ACBD3: variants seen among roughly 807,000 people sequenced by gnomAD.
ACBD3 encodes the protein acyl-CoA binding domain containing 3.
In ACBD3, 30 loss-of-function variants were observed where a neutral mutation model predicts 66.9. The ratio of observed to expected loss-of-function variants is 0.45; its 90% CI spans 0.34 to 0.61. The LOEUF is 0.61. Ranked by LOEUF, ACBD3 falls within the 20% of genes least tolerant of loss-of-function variation. The pLI is 0.02. For missense variants in ACBD3, 544 were observed against 664.5 expected (o/e 0.82, Z 1.99); for synonymous variants, 278 against 259.8 (o/e 1.07, Z -0.68).
rs780156523 is a variant in ACBD3, at chr1:226,161,511, A to T, written c.728+20T>A. 1 of 1,608,826 alleles carries T rather than the reference A, an allele frequency of 6.2e-7. No homozygotes were observed. The highest frequency in any genetic ancestry group is 8.5e-7 in the Non-Finnish European group (1 of 1,178,920). On this transcript the variant is annotated intron_variant, in intron 4 of 7. Coordinates refer to ENST00000366812, the MANE Select transcript of ACBD3 (RefSeq NM_022735.4). ...TTTTCCATTTCTCATTTTAAAACATAAGCCACATAATAAACTTACTTTTGC... is the reference window on the plus strand; with the variant it reads ...TTTTCCATTTCTCATTTTAAAACATTAGCCACATAATAAACTTACTTTTGC...
At chr1:226,173,761 T>C (rs1439003798) in intron 1 of ACBD3, among the ~76,000 whole-genome samples, 3 of 134,878 alleles carry the variant, frequency 2.2e-5, no homozygotes, top group Admixed American at 7.3e-5. Context: ...TCTTTTCTTT[T>C]TTTTTTTTTT....
intron 1 of ACBD3, among the ~76,000 whole-genome samples, chr1:226,186,014 G>C (rs1211742292): frequency 6.6e-6 from 1 of 152,210 alleles, no homozygotes; most frequent in African/African-American, 2.4e-5. Context: ...AATAGGAAAA[G>C]AAAAGCGTCA....
Position 226,152,230 on chromosome 1 carries a change from A to T in ACBD3, c.1375+105T>A, listed in dbSNP as rs989407470. On this transcript the variant is annotated intron_variant, in intron 7 of 7. Transcript: ENST00000366812. ...CTAATGAAGAAAGTGTTCCCTAACC[A>T]TGAAGTGTTAGTCAGGAAGCATAAG... The T allele has an allele frequency of 2.8e-6, 4 of 1,424,492 alleles. No individual in the cohort carries two copies. The African/African-American group carries it at 5.7e-5, about 20-fold the overall frequency. 88.2% of individuals were successfully genotyped at this position (1,424,492 alleles called of 1,614,324 possible). A position where few individuals can be genotyped will look rare whatever the true frequency, so the allele number is the denominator to read the frequency against.
intron 1 of ACBD3, among the ~76,000 whole-genome samples, chr1:226,169,467 T>C (rs1346308786): frequency 6.6e-6 from 1 of 151,564 alleles, no homozygotes; most frequent in Admixed American, 6.6e-5. Context: ...GCCAGGATGG[T>C]CTCGATCTCC....
intron 7 of ACBD3, among the ~76,000 whole-genome samples, chr1:226,151,143 C>T (rs1659565124): frequency 6.6e-6 from 1 of 152,162 alleles, no homozygotes; most frequent in African/African-American, 2.4e-5. Context: ...AACTTTCAGG[C>T]TTATTCCATG....
At chr1:226,174,250 C>T (rs933563530) in intron 1 of ACBD3, among the ~76,000 whole-genome samples, 2 of 152,158 alleles carry the variant, frequency 1.3e-5, no homozygotes, top group African/African-American at 4.8e-5. Context: ...CAAGCATCAT[C>T]CTCGGCTCTT....
chr1:226,181,903 T>C (rs972732706), intron 1 of ACBD3, among the ~76,000 whole-genome samples: 10 of 152,090 alleles, frequency 6.6e-5, no homozygotes, highest in Non-Finnish European at 1.2e-4. Flanking sequence ...CCCATGGAGA[T>C]AAGAAAACCT....
At chr1:226,169,054 G>A (rs1448368584) in intron 1 of ACBD3, among the ~76,000 whole-genome samples, 6 of 151,904 alleles carry the variant, frequency 3.9e-5, no homozygotes, top group African/African-American at 1.5e-4. Flanking sequence ...GCAGAGATGG[G>A]GTTTCACCAT....
Position 226,162,736 on chromosome 1 carries a change from A to G in ACBD3, c.570-1047T>C, listed in dbSNP as rs370668384. 6.6e-5 allele frequency among the ~76,000 whole-genome samples: 10 copies of G among 152,156 alleles called. No individual in the cohort carries two copies. The East Asian group carries it at 7.7e-4, about 12-fold the overall frequency. ...CTCACCTTTCTCCCCTCTAACTCCT[A>G]TAAGTGATTAACAACTACCTGAGCC... On this transcript the variant is annotated intron_variant, in intron 3 of 7. Coordinates refer to ENST00000366812, the MANE Select transcript of ACBD3 (RefSeq NM_022735.4).
chr1:226,169,552 C>A (rs1458963812), intron 1 of ACBD3, among the ~76,000 whole-genome samples: 3 of 130,096 alleles, frequency 2.3e-5, no homozygotes, highest in African/African-American at 2.9e-5. Flanking sequence ...CCTGGACTGC[C>A]TGGCTATTTT....
intron 1 of ACBD3, among the ~76,000 whole-genome samples, chr1:226,169,540 C>T (rs1437504647): frequency 3.6e-5 from 5 of 137,118 alleles, no homozygotes; most frequent in Admixed American, 7.5e-5. Flanking sequence ...TGAGCCACCG[C>T]GCCTGGACTG....
rs978546328 is a variant in ACBD3, at chr1:226,164,863, T to G, written c.495A>C (p.Leu165Phe). ...TTGAAAAGAGATGGCAACACCTATT[T>G]AAGAGCTTGACAAACTCCACCATGG... ...EDAMVEFVKL[L>F]NRCCHLFSTY... The change falls in exon 3 of 8, where the codon TTA (leucine) becomes TTC (phenylalanine). Residue 165 changes from leucine (L) to phenylalanine (F), a missense_variant. Physicochemically the swap from Leu to Phe is conservative, Grantham distance 22. Coordinates refer to ENST00000366812, the MANE Select transcript of ACBD3 (RefSeq NM_022735.4). 1.2e-6 allele frequency: 2 copies of G among 1,611,304 alleles called. No individual in the cohort carries two copies. Among genetic ancestry groups the G allele is most frequent in the Non-Finnish European group, 1.7e-6 (2 of 1,178,740 alleles).
chr1:226,175,298 A>G (rs945624772), intron 1 of ACBD3, among the ~76,000 whole-genome samples: 2 of 152,138 alleles, frequency 1.3e-5, no homozygotes, highest in Non-Finnish European at 2.9e-5. Context: ...TGCATTTCCA[A>G]AGTAATGGAA....
chr1:226,186,489 C>T lies in ACBD3; in HGVS notation c.187G>A (p.Ala63Thr). Residue 63 changes from alanine (A) to threonine (T), a missense_variant, in exon 1 of 8, where the codon GCG becomes ACG. By Grantham distance (58) the Ala-to-Thr change is moderately conservative. This residue lies in a region of ACBD3 where 137 missense variants were observed against 145.9 expected (regional missense o/e 0.94). Transcript: ENST00000366812. ...TCCTCCGCCGCGCCCCCAGCCGCCG[C>T]CTCCCCGGGCTCGGGCTGCTCCCCT... The part of the protein sequence containing the change: ...ASGEQPEPGE[A>T]AAGGAAEEAR... 6.7e-7 allele frequency: 1 copy of T among 1,487,670 alleles called. No homozygotes were observed. The highest frequency in any genetic ancestry group is 1.3e-5 in the South Asian group (1 of 78,260). The allele number at this position is 1,487,670 out of a possible 1,614,324, so 92.2% of individuals were successfully genotyped here.
intron 1 of ACBD3, among the ~76,000 whole-genome samples, chr1:226,179,407 T>C (rs1255130457): frequency 6.6e-6 from 1 of 152,162 alleles, no homozygotes; most frequent in Non-Finnish European, 1.5e-5. Context: ...GGTGTACTCC[T>C]TGGTGCAGAG....
At chr1:226,181,921 C>T (rs1223753981) in intron 1 of ACBD3, among the ~76,000 whole-genome samples, 2 of 152,162 alleles carry the variant, frequency 1.3e-5, no homozygotes, top group Non-Finnish European at 2.9e-5. Flanking sequence ...CCTAGCTTAA[C>T]ATTGTTAAAA....
At position 226,159,424 on chromosome 1, in the gene ACBD3, T is replaced by C. The variant is rs1659731142; in HGVS notation, c.729-66A>G. 2.0e-6 allele frequency: 3 copies of C among 1,486,546 alleles called. No individual in the cohort carries two copies. The African/African-American group carries it at 4.2e-5, about 21-fold the overall frequency. 92.1% of individuals were successfully genotyped at this position (1,486,546 alleles called of 1,614,324 possible). On this transcript the variant is annotated intron_variant, in intron 4 of 7. Transcript: ENST00000366812. ...AGATTGTTCATGACAAAATAAAATG[T>C]CCTTATTACTTACTTTTACAGTCTG...
chr1:226,152,909 G>A (rs532858229), intron 6 of ACBD3, among the ~76,000 whole-genome samples: 2 of 152,332 alleles, frequency 1.3e-5, no homozygotes, highest in East Asian at 3.9e-4. Flanking sequence ...GGGGATTCAA[G>A]AATGACCTTG....
chr1:226,159,143 A>G (rs777936922), intron 5 of ACBD3, 41 bp downstream of exon 5: 1 of 1,589,426 alleles, frequency 6.3e-7, no homozygotes, highest in Non-Finnish European at 8.6e-7. Context: ...ATGAAACTAA[A>G]AACTCTCTCT....
Sources: gnomAD v4.1 joint callset for allele counts (sites outside exome capture counted in the v4.1 genomes callset) on GRCh38, gnomAD v4.1.1 for gene constraint, gnomAD v4.1.1 regional missense constraint, MANE v1.5 for transcripts, NCBI Gene and HGNC (gene_info 2026-07-23, HGNC 2026-07-21) for gene names.